The following RIMS2 variants were observed in gnomAD, a reference collection of about 807,000 sequenced individuals.
The protein encoded by RIMS2 is regulating synaptic membrane exocytosis 2.
Under a neutral mutation model 174.4 loss-of-function variants are expected in RIMS2, and 59 were observed. The observed-to-expected ratio is 0.34, with a 90% CI of 0.27 to 0.42. The LOEUF (loss-of-function observed/expected upper bound fraction) is 0.42. RIMS2 is among the 10% of genes least tolerant of loss of function. RIMS2 has a pLI of 1.00. For synonymous variants in RIMS2, 606 were observed against 572.5 expected (o/e 1.06, Z -0.84); for missense variants, 1,620 against 1,666.3 (o/e 0.97, Z 0.48).
chr8:103,609,331 C>G (rs572306777), intron 1 of RIMS2, among the ~76,000 whole-genome samples: 3 of 152,138 alleles, frequency 2.0e-5, no homozygotes, highest in East Asian at 3.9e-4. Flanking sequence ...TTGATAATTT[C>G]TTTTGCTGTA....
chr8:104,089,713 T>C (rs1003232518), intron 19 of RIMS2, among the ~76,000 whole-genome samples: 2 of 151,810 alleles, frequency 1.3e-5, no homozygotes, highest in Non-Finnish European at 2.9e-5. Context: ...AACTGGAGCC[T>C]TTAGCTAATT....
At chr8:104,169,992 T>C (rs1416684207) in intron 19 of RIMS2, among the ~76,000 whole-genome samples, 1 of 152,114 alleles carries the variant, frequency 6.6e-6, no homozygotes, top group Non-Finnish European at 1.5e-5. Flanking sequence ...CTTTTGGAGT[T>C]GATTTCCAGT....
chr8:103,996,727 A>G (rs953989122), intron 17 of RIMS2, among the ~76,000 whole-genome samples: 7 of 151,872 alleles, frequency 4.6e-5, no homozygotes, highest in Admixed American at 3.9e-4. Context: ...CACTTACTAT[A>G]TAGCTCTGAA....
At chr8:104,217,618 C>A (rs2099136657) in intron 19 of RIMS2, among the ~76,000 whole-genome samples, 1 of 152,134 alleles carries the variant, frequency 6.6e-6, no homozygotes, top group African/African-American at 2.4e-5. Flanking sequence ...TCGGGTCGAC[C>A]AGCTACTGAA....
intron 2 of RIMS2, among the ~76,000 whole-genome samples, chr8:103,761,256 C>T (rs1033338341): frequency 6.6e-6 from 1 of 152,176 alleles, no homozygotes; most frequent in African/African-American, 2.4e-5. Flanking sequence ...TATTCATGCC[C>T]TGGTAATGGA....
chr8:103,548,122 A>G (rs1845954940), intron 1 of RIMS2, among the ~76,000 whole-genome samples: 1 of 152,164 alleles, frequency 6.6e-6, no homozygotes, highest in Non-Finnish European at 1.5e-5. Context: ...AACTATTCCA[A>G]AACAACTGAG....
intron 1 of RIMS2, among the ~76,000 whole-genome samples, chr8:103,674,291 C>T (rs2136447286): frequency 6.6e-6 from 1 of 152,288 alleles, no homozygotes; most frequent in Middle Eastern, 3.4e-3. Context: ...TTACCCAGTT[C>T]CCAAGTTGCT....
rs202097079 is a variant in RIMS2, at chr8:103,961,051, T to G, written c.2702-14T>G. On this transcript the variant is annotated splice_polypyrimidine_tract_variant and intron_variant, in intron 14 of 23. Transcript: ENST00000504942. The stretch of plus-strand genomic sequence containing the variant: ...AATCAGAATTTTTAATTATTGCTAT[T>G]GTTTACTTTATAGGGTCAAAGAGAA... The G allele has an allele frequency of 7.5e-7, 1 of 1,339,402 alleles. No homozygotes were observed. The highest frequency in any genetic ancestry group is 1.1e-6 in the Non-Finnish European group (1 of 932,852). The allele number at this position is 1,339,402 out of a possible 1,614,324, so 83.0% of individuals were successfully genotyped here.
intron 1 of RIMS2, among the ~76,000 whole-genome samples, chr8:103,522,773 A>G (rs558941030): frequency 1.4e-4 from 22 of 152,134 alleles, no homozygotes; most frequent in Non-Finnish European, 2.5e-4. Context: ...CCTTAAACAG[A>G]TATTTACTTA....
intron 2 of RIMS2, among the ~76,000 whole-genome samples, chr8:103,726,946 C>T (rs1165781643): frequency 6.6e-6 from 1 of 151,264 alleles, no homozygotes; most frequent in Admixed American, 6.6e-5. Flanking sequence ...ACCATGTTGG[C>T]CAGGCTGATC....
rs117759482 is a variant in RIMS2, at chr8:103,705,538, G to C, written c.387+8242G>C. 6.8e-4 allele frequency among the ~76,000 whole-genome samples: 104 copies of C among 152,136 alleles called. No homozygotes were observed. In the East Asian group the frequency reaches 0.015, roughly 22 times the overall value. ...GCCTGCGTGCTGTGTTCATTACTAAGAGCGGGGTGTTGATATTCACCAATG... is the reference window on the plus strand; with the variant it reads ...GCCTGCGTGCTGTGTTCATTACTAACAGCGGGGTGTTGATATTCACCAATG... On this transcript the variant is annotated intron_variant, in intron 2 of 23. Coordinates refer to ENST00000504942, the Ensembl canonical transcript of RIMS2.
intron 19 of RIMS2, among the ~76,000 whole-genome samples, chr8:104,098,980 C>G (rs1403587101): frequency 6.6e-6 from 1 of 152,128 alleles, no homozygotes; most frequent in Non-Finnish European, 1.5e-5. Flanking sequence ...TCTATTTTGT[C>G]TATCTAGGCT....
Position 103,703,529 on chromosome 8 carries a change from G to A in RIMS2, c.387+6233G>A, listed in dbSNP as rs151267947. Reference sequence around the variant, plus strand: ...TGGAATTATAGATATGAGCCACCACGCCTGGACTTCATTGGTATTTTATGT... The same window carrying A: ...TGGAATTATAGATATGAGCCACCACACCTGGACTTCATTGGTATTTTATGT... On this transcript the variant is annotated intron_variant, in intron 2 of 23. Transcript: ENST00000504942. 2.9e-3 allele frequency among the ~76,000 whole-genome samples: 440 copies of A among 152,192 alleles called. 1 individual carries two copies. The highest frequency in any genetic ancestry group is 0.01 in the African/African-American group (424 of 41,538).
At chr8:103,885,324 A>G in exon 4 of RIMS2, 1 of 1,599,778 alleles carries the variant, frequency 6.3e-7, no homozygotes, top group Non-Finnish European at 8.5e-7. Flanking sequence ...GTGTCCAGAG[A>G]TCAGAATAGA....
At chr8:103,848,150 T>G (rs2098977863) in intron 3 of RIMS2, among the ~76,000 whole-genome samples, 1 of 152,046 alleles carries the variant, frequency 6.6e-6, no homozygotes, top group Non-Finnish European at 1.5e-5. Context: ...GACCTTAGGC[T>G]TCTTTTCTTT....
intron 1 of RIMS2, among the ~76,000 whole-genome samples, chr8:103,571,448 T>C (rs988554578): frequency 2.6e-5 from 4 of 152,216 alleles, no homozygotes; most frequent in Non-Finnish European, 1.5e-5. Context: ...ACTAGGAGTA[T>C]AGAATAAAGC....
chr8:103,781,991 G>A (rs1180860813), intron 3 of RIMS2, among the ~76,000 whole-genome samples: 2 of 151,536 alleles, frequency 1.3e-5, no homozygotes, highest in African/African-American at 2.4e-5. Flanking sequence ...CCGGTGATCC[G>A]CCCACCTCGG....
At chr8:104,178,785 A>ATTC (rs1273730351) in intron 19 of RIMS2, among the ~76,000 whole-genome samples, 286 of 152,296 alleles carry the variant, frequency 1.9e-3, no homozygotes, top group African/African-American at 6.4e-3. Context: ...CAGGGAATTA[A>ATTC]GAAAAAGTTT....
chr8:103,751,275 C>G (rs961652519), intron 2 of RIMS2, among the ~76,000 whole-genome samples: 1 of 152,112 alleles, frequency 6.6e-6, no homozygotes, highest in Non-Finnish European at 1.5e-5. Flanking sequence ...AGGACATGAA[C>G]TCATCCTTTT....
Sources: gnomAD v4.1 joint callset for allele counts (sites outside exome capture counted in the v4.1 genomes callset) on GRCh38, gnomAD v4.1.1 for gene constraint, MANE v1.5 for transcripts, NCBI Gene and HGNC (gene_info 2026-07-23, HGNC 2026-07-21) for gene names.